Variants in CEP131 observed in about 807,000 individuals in gnomAD.
The protein encoded by CEP131 is centrosomal protein 131.
In CEP131, 99 loss-of-function variants were observed where a neutral mutation model predicts 136.8. That is an observed-to-expected ratio of 0.72 (90% CI 0.62 to 0.86). CEP131 has a LOEUF of 0.86. Among genes scored for constraint, CEP131 ranks in the 40% least tolerant of loss-of-function variants. The pLI, the probability that CEP131 is intolerant of heterozygous loss-of-function variation, is 0.00. For synonymous variants in CEP131, 646 were observed against 612.7 expected (o/e 1.05, Z -0.80); for missense variants, 1,459 against 1,463.0 (o/e 1.00, Z 0.04).
rs1027512020 is a variant in CEP131 at position 81,197,512 on chromosome 17, G to A, written c.1647+200C>T. ...CTGCCACCTCCACCCTGAGAGACCC[G>A]TGGGGGGTGCTGCATAACTAGGTGG... On this transcript the variant is annotated intron_variant, in intron 13 of 25. Coordinates refer to ENST00000450824, the MANE Select transcript of CEP131 (RefSeq NM_014984.4). 4.2e-5 allele frequency: 33 copies of A among 792,230 alleles called. No homozygotes were observed. The East Asian group carries it at 4.8e-4, about 12-fold the overall frequency. The allele number at this position is 792,230 out of a possible 1,614,324, so 49.1% of individuals were successfully genotyped here. A position where few individuals can be genotyped will look rare whatever the true frequency, so the allele number is the denominator to read the frequency against.
chr17:81,217,597 C>G (rs1200724754), intron 2 of CEP131, among the ~76,000 whole-genome samples: 1 of 152,106 alleles, frequency 6.6e-6, no homozygotes, highest in Non-Finnish European at 1.5e-5. Flanking sequence ...GTTCCTCTTC[C>G]ACCAGCAGTT....
At position 81,198,133 on chromosome 17, in the gene CEP131, T is replaced by C. The variant is rs2061807250; in HGVS notation, c.1452A>G (p.Arg484=). The C allele has an allele frequency of 1.3e-6, 2 of 1,570,920 alleles. No homozygotes were observed. Among genetic ancestry groups the C allele is most frequent in the East Asian group, 2.3e-5 (1 of 42,588 alleles). Residue 484 remains arginine (R), a synonymous_variant, in exon 12 of 26, where the codon AGA becomes AGG. Coordinates refer to ENST00000450824, the MANE Select transcript of CEP131 (RefSeq NM_014984.4). ...TGGTCACCTCGCTGGCCCAGGCGTA[T>C]CTGCCCCTGTGATGGGTCCTGGGGC... ...LPRPRTHHRG[R]YAWASEEDDA...
intron 18 of CEP131, among the ~76,000 whole-genome samples, 170 bp downstream of exon 18, chr17:81,193,756 C>G (rs1160589569): frequency 6.6e-6 from 1 of 152,208 alleles, no homozygotes; most frequent in African/African-American, 2.4e-5. Flanking sequence ...ACTGGCCCGG[C>G]TGAGGCTGGG....
In CEP131 at chr17:81,203,353, C is replaced by T. The variant is rs117589634; in HGVS notation, c.629+141G>A. On this transcript the variant is annotated intron_variant, in intron 6 of 25. Coordinates refer to ENST00000450824, the MANE Select transcript of CEP131 (RefSeq NM_014984.4). The surrounding 1 kb of genome is among the most constrained non-coding windows in gnomAD (Gnocchi z 4.6). ...TGACCGAGGTTGGACCCCATGCACA[C>T]TGACCGCATGCCCTGACCAAGGTAG... The T allele has an allele frequency of 1.5e-6, 1 of 666,232 alleles. No individual in the cohort carries two copies. Among genetic ancestry groups the T allele is most frequent in the South Asian group, 1.9e-5 (1 of 53,916 alleles). The allele number at this position is 666,232 out of a possible 1,614,324, so 41.3% of individuals were successfully genotyped here.
chr17:81,211,240 C>A (rs1330448111), intron 2 of CEP131, among the ~76,000 whole-genome samples: 1 of 152,210 alleles, frequency 6.6e-6, no homozygotes, highest in Non-Finnish European at 1.5e-5. Context: ...GGCTGTGCTC[C>A]CAGGGCCCCA....
intron 14 of CEP131, 36 bp downstream of exon 14, chr17:81,196,894 A>C: frequency 6.2e-7 from 1 of 1,607,104 alleles, no homozygotes; most frequent in Non-Finnish European, 8.5e-7. Flanking sequence ...GTAGGAGGCT[A>C]GCAGGGCCCG....
In CEP131 at chr17:81,196,833, G is replaced by A. The variant is rs986988050; in HGVS notation, c.1774-7C>T. On this transcript the variant is annotated splice_polypyrimidine_tract_variant and splice_region_variant and intron_variant, in intron 14 of 25. Coordinates refer to ENST00000450824, the MANE Select transcript of CEP131 (RefSeq NM_014984.4). The stretch of plus-strand genomic sequence containing the variant: ...TGAGGTCTCGCTGCTGCGCCTGCAG[G>A]GTGTGGGCAGAGGAGGGAAGCGCTA... The A allele has an allele frequency of 6.3e-7, 1 of 1,597,326 alleles. No individual in the cohort carries two copies. Among genetic ancestry groups the A allele is most frequent in the Non-Finnish European group, 8.5e-7 (1 of 1,173,080 alleles).
At chr17:81,210,480 G>C (rs950322427) in intron 2 of CEP131, among the ~76,000 whole-genome samples, 1 of 152,170 alleles carries the variant, frequency 6.6e-6, no homozygotes, top group African/African-American at 2.4e-5. Context: ...TGAGGTAGGG[G>C]AATTGCTTAA....
chr17:81,195,940 G>T lies in CEP131; in HGVS notation c.1911C>A (p.Asp637Glu), dbSNP rs1443008991. 2.5e-6 allele frequency: 4 copies of T among 1,609,272 alleles called. No individual in the cohort carries two copies. The African/African-American group carries it at 5.3e-5, about 21-fold the overall frequency. ...HLAFIDQLIE[D>E]KKVLSEKCEA... ...CGCACTTTTCACTCAGGACCTTCTT[G>T]TCCTCAATCAGCTGTGTTGGGGACC... Residue 637 changes from aspartate to glutamate, a missense_variant, in exon 16 of 26, where the codon GAC becomes GAA. Asp to Glu is a conservative substitution (Grantham distance 45). Around this residue, in one of 3 missense-constraint regions of CEP131, gnomAD observed 1,026 missense variants for 964.2 expected, o/e 1.06. Transcript: ENST00000450824.
intron 2 of CEP131, among the ~76,000 whole-genome samples, chr17:81,212,591 C>T (rs948165766): frequency 3.3e-5 from 5 of 151,028 alleles, no homozygotes; most frequent in African/African-American, 9.7e-5. Flanking sequence ...GAGTGGGGCC[C>T]GTGCAGAGGG....
In CEP131 at chr17:81,192,302, G is replaced by A. The variant is rs1200719501; in HGVS notation, c.2622+16C>T. On this transcript the variant is annotated intron_variant, in intron 21 of 25. Transcript: ENST00000450824. The stretch of plus-strand genomic sequence containing the variant: ...CAGCCCCCAACCCCTGCCCACCTGG[G>A]TGCCCAGGCCCCCACCTCCTTCCTG... 2 of 1,548,482 alleles carry A rather than the reference G, an allele frequency of 1.3e-6. No homozygotes were observed. Among genetic ancestry groups the A allele is most frequent in the East Asian group, 4.9e-5 (2 of 41,016 alleles).
chr17:81,192,338 C>T lies in CEP131; in HGVS notation c.2602G>A (p.Ala868Thr). The part of the protein sequence containing the change: ...QLELERQAWE[A>T]GRTRKEEAWL... The stretch of plus-strand genomic sequence containing the variant: ...CCCACCTCCTTCCTGGTGCGGCCGG[C>T]CTCCCACGCCTGCCTCTCCAGCTCC... Residue 868 changes from alanine to threonine, a missense_variant, in exon 21 of 26, where the codon GCC (alanine) becomes ACC (threonine). Ala to Thr is a moderately conservative substitution (Grantham distance 58). Transcript: ENST00000450824. 6.4e-7 allele frequency: 1 copy of T among 1,568,686 alleles called. No homozygotes were observed. Among genetic ancestry groups the T allele is most frequent in the Non-Finnish European group, 8.6e-7 (1 of 1,158,570 alleles).
At chr17:81,191,689 C>T (rs2061645434) in intron 21 of CEP131, among the ~76,000 whole-genome samples, 1 of 152,196 alleles carries the variant, frequency 6.6e-6, no homozygotes, top group African/African-American at 2.4e-5. Context: ...AGAGCCTAAG[C>T]TGGCAGCCTC....
At position 81,207,956 on chromosome 17, in the gene CEP131, TAC is replaced by T. The variant is rs1286736746; in HGVS notation, c.273-719_273-718del. On this transcript the variant is annotated intron_variant, in intron 3 of 25. Coordinates refer to ENST00000450824, the MANE Select transcript of CEP131 (RefSeq NM_014984.4). ...CACACCATACACCACACACACCCCA[TAC>T]ACACACACACACCACACATGCACCA... Among the ~76,000 whole-genome samples the T allele has an allele frequency of 0.011, 9 of 838 alleles. No individual in the cohort carries two copies. The South Asian group carries it at 0.14, about 13-fold the overall frequency. 0.5% of individuals were successfully genotyped at this position (838 alleles called of 152,430 possible). A position where few individuals can be genotyped will look rare whatever the true frequency, so the allele number is the denominator to read the frequency against.
Position 81,198,913 on chromosome 17 carries a change from G to A in CEP131, c.1251C>T (p.Ser417=). ...CCTCTGGAGGCTGCTGTGGTTCTGG[G>A]GATGAGTCGGAGGTGGGCAGGCAGC... is the stretch of plus-strand genomic sequence containing the variant. ...GDRCLPTSDS[S]PEPQQPPEDR... Residue 417 remains serine (S), a synonymous_variant, in exon 11 of 26, where the codon TCC becomes TCT. Transcript: ENST00000450824. 1 of 1,593,348 alleles carries A rather than the reference G, an allele frequency of 6.3e-7. No homozygotes were observed. The highest frequency in any genetic ancestry group is 1.3e-5 in the African/African-American group (1 of 74,760).
At chr17:81,216,525 C>T (rs1238220712) in intron 2 of CEP131, among the ~76,000 whole-genome samples, 2 of 152,114 alleles carry the variant, frequency 1.3e-5, no homozygotes, top group East Asian at 3.9e-4. Context: ...AGCAAGACCC[C>T]GTCTTAAAAA....
chr17:81,190,522 T>A, intron 24 of CEP131, 117 bp downstream of exon 24: 2 of 1,301,332 alleles, frequency 1.5e-6, no homozygotes, highest in Non-Finnish European at 2.0e-6. Context: ...TACAGGGCCC[T>A]GTCTCTGCAT....
chr17:81,217,610 C>T (rs935493814), intron 2 of CEP131, among the ~76,000 whole-genome samples: 34 of 152,060 alleles, frequency 2.2e-4, no homozygotes, highest in Non-Finnish European at 4.0e-4. Flanking sequence ...CAGCAGTTCC[C>T]GAGCTCCCAC....
intron 18 of CEP131, among the ~76,000 whole-genome samples, chr17:81,193,109 G>A (rs370477600): frequency 6.6e-6 from 1 of 152,204 alleles, no homozygotes; most frequent in East Asian, 1.9e-4. Flanking sequence ...CTGTGGAGCC[G>A]CGTCCAGGCC....
Sources: allele counts gnomAD v4.1 joint callset (sites outside exome capture counted in the v4.1 genomes callset), GRCh38; gene constraint gnomAD v4.1.1; regional missense constraint gnomAD v4.1.1; non-coding constraint Gnocchi (gnomAD v3.1); transcripts MANE v1.5; gene names NCBI Gene and HGNC (gene_info 2026-07-23, HGNC 2026-07-21).